The following DIMT1 variants were observed in gnomAD, a reference collection of about 807,000 sequenced individuals.
The protein encoded by DIMT1 is DIM1 rRNA methyltransferase and ribosome maturation factor.
A neutral mutation model predicts 43.2 loss-of-function variants in DIMT1; 36 were observed. The observed-to-expected ratio is 0.83, with a 90% CI of 0.64 to 1.10. DIMT1 has a LOEUF of 1.10. Ranked by LOEUF, DIMT1 falls within the 50% of genes least tolerant of loss-of-function variation. The pLI is 0.00. For missense variants in DIMT1, 341 were observed against 385.3 expected (o/e 0.88, Z 0.96); for synonymous variants, 126 against 130.3 (o/e 0.97, Z 0.22).
At chr5:62,400,697 G>A (rs925538185) in intron 3 of DIMT1, among the ~76,000 whole-genome samples, 2 of 150,314 alleles carry the variant, frequency 1.3e-5, no homozygotes, top group African/African-American at 4.9e-5. Flanking sequence ...CTTCTATATA[G>A]ACCCTGTTTA....
Position 62,403,628 on chromosome 5 carries a change from C to A in DIMT1, c.79+66G>T, listed in dbSNP as rs4700492. 1.3e-3 allele frequency: 1,949 copies of A among 1,536,052 alleles called. 47 individuals are homozygous for A. The Admixed American group carries it at 0.034, about 27-fold the overall frequency. On this transcript the variant is annotated intron_variant, in intron 1 of 11. Transcript: ENST00000199320. ...TCTGCCGATCAGGTCTTGGTCCGCA[C>A]CCCAGGCTAGGTCCTGCCGGAAGAC...
intron 6 of DIMT1, among the ~76,000 whole-genome samples, chr5:62,395,823 T>C (rs1290549385): frequency 6.6e-6 from 1 of 151,752 alleles, no homozygotes; most frequent in African/African-American, 2.4e-5. Context: ...GGGCTGAACA[T>C]GGTGAGACCC....
At chr5:62,390,751 T>C in intron 11 of DIMT1, 125 bp downstream of exon 11, 1 of 740,238 alleles carries the variant, frequency 1.4e-6, no homozygotes, top group Non-Finnish European at 2.4e-6. Context: ...TTCCATGCCA[T>C]GGAAGTGCTA....
intron 10 of DIMT1, chr5:62,391,695 G>C (rs1482393732): frequency 7.9e-7 from 1 of 1,270,720 alleles, no homozygotes; most frequent in South Asian, 2.3e-5. Flanking sequence ...CAAATGATAC[G>C]CATGAGGCTC....
chr5:62,394,748 T>G (rs1742421020), intron 6 of DIMT1, 141 bp from the exon 7 acceptor site: 16 of 1,197,708 alleles, frequency 1.3e-5, no homozygotes, highest in Non-Finnish European at 1.9e-5. Flanking sequence ...TCAGCCTTTT[T>G]TTTATTGCCA....
At chr5:62,389,174 C>G (rs1742175717) in intron 11 of DIMT1, 122 bp from the exon 12 acceptor site, 1 of 782,924 alleles carries the variant, frequency 1.3e-6, no homozygotes, top group Admixed American at 3.1e-5. Flanking sequence ...CCCACCCACT[C>G]CTAATACTAG....
At chr5:62,389,175 C>A in intron 11 of DIMT1, 123 bp from the exon 12 acceptor site, 1 of 774,908 alleles carries the variant, frequency 1.3e-6, no homozygotes, top group Non-Finnish European at 2.0e-6. Flanking sequence ...CCACCCACTC[C>A]TAATACTAGT....
At chr5:62,394,653 T>G (rs768117132) in intron 6 of DIMT1, 46 bp from the exon 7 acceptor site, 1 of 1,606,118 alleles carries the variant, frequency 6.2e-7, no homozygotes, top group African/African-American at 1.3e-5. Context: ...CATTGTCAAC[T>G]ATAAATGAAT....
intron 10 of DIMT1, chr5:62,391,934 CAGTAGTT>C (rs1742317682): frequency 6.5e-7 from 1 of 1,535,514 alleles, no homozygotes; most frequent in Non-Finnish European, 8.7e-7. Context: ...AAACAACTGT[CAGTAGTT>C]AGAGGACAGG....
chr5:62,403,792 A>G lies in DIMT1; in HGVS notation c.-20T>C, dbSNP rs764459624. ...CGGCATCTCGGCAGAAAGCGGGCCC[A>G]CAGGCCCGGGACGTCAAGGAGGACC... is the stretch of plus-strand genomic sequence containing the variant. On this transcript the variant is annotated 5_prime_UTR_variant, in exon 1 of 12. Transcript: ENST00000199320. 21 of 1,608,476 alleles carry G rather than the reference A, an allele frequency of 1.3e-5. No individual in the cohort carries two copies. The highest frequency in any genetic ancestry group is 3.3e-4 in the Middle Eastern group (2 of 6,050).
At position 62,403,470 on chromosome 5, in the gene DIMT1, G is replaced by A. The variant is rs1056858276; in HGVS notation, c.80-124C>T. The stretch of plus-strand genomic sequence containing the variant: ...GCCAACCAGGGCCACGAAACGTCAC[G>A]CCAGGACTGACAAACTCTTTATAAG... On this transcript the variant is annotated intron_variant, in intron 1 of 11. Transcript: ENST00000199320. The A allele has an allele frequency of 4.8e-5, 50 of 1,032,058 alleles. 1 individual carries two copies. The East Asian group carries it at 1.2e-3, about 24-fold the overall frequency. 63.9% of individuals were successfully genotyped at this position (1,032,058 alleles called of 1,614,324 possible).
rs567199612 is a variant in DIMT1 at position 62,399,474 on chromosome 5, A to G, written c.241-593T>C. 1.1e-4 allele frequency among the ~76,000 whole-genome samples: 17 copies of G among 150,586 alleles called. No homozygotes were observed. In the East Asian group the frequency reaches 2.8e-3, roughly 24 times the overall value. ...GACAGAGACTCTTGTCTCAAAACAA[A>G]AACAAAAACAACACAAAATATTAGC... On this transcript the variant is annotated intron_variant, in intron 3 of 11. Coordinates refer to ENST00000199320, the MANE Select transcript of DIMT1 (RefSeq NM_014473.4).
rs1176443209 is a variant in DIMT1, at chr5:62,392,295, T to C, written c.729-61A>G. On this transcript the variant is annotated intron_variant, in intron 9 of 11. Transcript: ENST00000199320. ...CCAAAGTCAGAGTAATTTCTTACTT[T>C]TTTAAACTTTTTTTTAACTAATACA... 6 of 1,457,414 alleles carry C rather than the reference T, an allele frequency of 4.1e-6. No individual in the cohort carries two copies. In the East Asian group the frequency reaches 9.1e-5, roughly 22 times the overall value. 90.3% of individuals were successfully genotyped at this position (1,457,414 alleles called of 1,614,324 possible). A position where few individuals can be genotyped will look rare whatever the true frequency, so the allele number is the denominator to read the frequency against.
intron 3 of DIMT1, among the ~76,000 whole-genome samples, chr5:62,400,067 A>G (rs1205888298): frequency 6.6e-6 from 1 of 152,178 alleles, no homozygotes; most frequent in African/African-American, 2.4e-5. Context: ...CTCTGCAGTC[A>G]GTGTTGTTAG....
intron 3 of DIMT1, among the ~76,000 whole-genome samples, chr5:62,400,805 C>T (rs1742674770): frequency 6.6e-6 from 1 of 152,094 alleles, no homozygotes; most frequent in African/African-American, 2.4e-5. Context: ...GTCACCCAGG[C>T]TGTAGTGAAG....
At chr5:62,400,533 G>C (rs1040721219) in intron 3 of DIMT1, among the ~76,000 whole-genome samples, 1 of 151,624 alleles carries the variant, frequency 6.6e-6, no homozygotes, top group Non-Finnish European at 1.5e-5. Flanking sequence ...GATTATAGGC[G>C]GGAGGCACCA....
chr5:62,398,715 T>C lies in DIMT1; in HGVS notation c.327A>G (p.Val109=). 1 of 1,614,196 alleles carries C rather than the reference T, an allele frequency of 6.2e-7. No individual in the cohort carries two copies. The highest frequency in any genetic ancestry group is 8.5e-7 in the Non-Finnish European group (1 of 1,180,022). The change falls in exon 5 of 12, where the codon GTA becomes GTG. Residue 109 remains valine, a synonymous_variant. Coordinates refer to ENST00000199320, the MANE Select transcript of DIMT1 (RefSeq NM_014473.4). ...CTGTTTTCAGCACATCACCCACCAGTACTTGAAGTTTGCTGGCCACAGGCC... is the reference window on the plus strand; with the variant it reads ...CTGTTTTCAGCACATCACCCACCAGCACTTGAAGTTTGCTGGCCACAGGCC... ...QGTPVASKLQ[V]LVGDVLKTDL... is the part of the protein sequence containing the mutation.
chr5:62,398,456 C>T (rs1245548596), intron 6 of DIMT1, 55 bp downstream of exon 6: 1 of 1,580,084 alleles, frequency 6.3e-7, no homozygotes, highest in Admixed American at 1.7e-5. Flanking sequence ...ATGTTCACCA[C>T]CTGAACTGTA....
At chr5:62,394,361 G>A (rs562452624) in intron 7 of DIMT1, 123 bp downstream of exon 7, 16 of 1,066,756 alleles carry the variant, frequency 1.5e-5, no homozygotes, top group African/African-American at 9.5e-5. Flanking sequence ...CCAGCTACTC[G>A]GGACTCGAGA....
Sources: gnomAD v4.1 joint callset for allele counts (sites outside exome capture counted in the v4.1 genomes callset) on GRCh38, gnomAD v4.1.1 for gene constraint, MANE v1.5 for transcripts, NCBI Gene and HGNC (gene_info 2026-07-23, HGNC 2026-07-21) for gene names.